Variants in LYPLAL1 observed in about 807,000 individuals in gnomAD.
LYPLAL1 encodes the protein lysophospholipase-like protein 1.
LYPLAL1 carries 23 observed loss-of-function variants against 19.7 expected under a neutral mutation model. The ratio of observed to expected loss-of-function variants is 1.17; its 90% CI spans 0.84 to 1.65. LYPLAL1 has a LOEUF of 1.65. LYPLAL1 is among the 40% of genes most tolerant of loss of function. LYPLAL1 has a pLI of 0.00. For synonymous variants in LYPLAL1, 119 were observed against 96.3 expected (o/e 1.24, Z -1.38); for missense variants, 355 against 279.4 (o/e 1.27, Z -1.93).
the LYPLAL1 span, among the ~76,000 whole-genome samples, chr1:219,388,726 A>G: frequency 3.3e-5 from 5 of 152,174 alleles, no homozygotes; most frequent in Admixed American, 2.0e-4. Flanking sequence ...AAAACAAAAA[A>G]AGCACAAAAT....
the LYPLAL1 span, among the ~76,000 whole-genome samples, chr1:219,419,594 C>CACAG: frequency 0.013 from 1,337 of 99,528 alleles, 20 homozygotes; most frequent in African/African-American, 0.035. Context: ...CACACACACA[C>CACAG]AGAGAGAGAG....
intron 3 of LYPLAL1, among the ~76,000 whole-genome samples, chr1:219,204,153 A>T (rs1411621333): frequency 1.3e-5 from 2 of 152,170 alleles, no homozygotes; most frequent in African/African-American, 4.8e-5. Flanking sequence ...TTGATTTTTT[A>T]AAATTTATTT....
At chr1:219,422,625 C>T in the LYPLAL1 span, among the ~76,000 whole-genome samples, 1 of 152,064 alleles carries the variant, frequency 6.6e-6, no homozygotes, top group African/African-American at 2.4e-5. Flanking sequence ...AAAAAGAGTA[C>T]ATCTTAAAAT....
At chr1:219,301,585 G>C in the LYPLAL1 span, among the ~76,000 whole-genome samples, 37 of 152,220 alleles carry the variant, frequency 2.4e-4, no homozygotes, top group African/African-American at 8.7e-4. Context: ...TCTTAATCTT[G>C]TAGTGTTTCT....
the LYPLAL1 span, among the ~76,000 whole-genome samples, chr1:219,360,745 T>C: frequency 6.6e-6 from 1 of 152,142 alleles, no homozygotes; most frequent in Non-Finnish European, 1.5e-5. Flanking sequence ...ACCAGACCCC[T>C]GGACCTCTTC....
the LYPLAL1 span, among the ~76,000 whole-genome samples, chr1:219,347,055 T>C: frequency 6.6e-6 from 1 of 152,210 alleles, no homozygotes; most frequent in Non-Finnish European, 1.5e-5. Context: ...CTTGTTAATC[T>C]TCCTCTTTTT....
the LYPLAL1 span, among the ~76,000 whole-genome samples, chr1:219,310,484 A>C: frequency 6.6e-6 from 1 of 152,192 alleles, no homozygotes; most frequent in Non-Finnish European, 1.5e-5. Context: ...GCAGGAACAA[A>C]CAGATCAAAA....
chr1:219,305,618 A>G, the LYPLAL1 span, among the ~76,000 whole-genome samples: 1 of 152,206 alleles, frequency 6.6e-6, no homozygotes, highest in African/African-American at 2.4e-5. Flanking sequence ...TGAACAGGAT[A>G]ATGGCACAAT....
the LYPLAL1 span, among the ~76,000 whole-genome samples, chr1:219,414,407 A>G: frequency 6.6e-6 from 1 of 152,190 alleles, no homozygotes; most frequent in Non-Finnish European, 1.5e-5. Flanking sequence ...CTCAGTAAAT[A>G]TTTGTTAAAT....
At chr1:219,191,118 C>T (rs1199349993) in intron 2 of LYPLAL1, among the ~76,000 whole-genome samples, 1 of 151,584 alleles carries the variant, frequency 6.6e-6, no homozygotes, top group Admixed American at 6.6e-5. Flanking sequence ...GCACCTACTG[C>T]TATTACTGCT....
intron 3 of LYPLAL1, among the ~76,000 whole-genome samples, chr1:219,201,207 T>TA (rs1176802198): frequency 6.6e-6 from 1 of 152,110 alleles, no homozygotes; most frequent in Non-Finnish European, 1.5e-5. Flanking sequence ...TAGTTTGACA[T>TA]AAAAAAACTT....
chr1:219,174,752 C>T (rs1401714640), intron 1 of LYPLAL1, among the ~76,000 whole-genome samples: 1 of 152,068 alleles, frequency 6.6e-6, no homozygotes, highest in Non-Finnish European at 1.5e-5. Flanking sequence ...ACCTTTGCAC[C>T]CCCAGTGCTT....
chr1:219,238,304 ATTTTTTTTTT>A, the LYPLAL1 span, among the ~76,000 whole-genome samples: 2 of 81,904 alleles, frequency 2.4e-5, no homozygotes, highest in Non-Finnish European at 2.2e-5. Context: ...CGCCCGGCTA[ATTTTTTTTTT>A]TTTTTTTTTT....
At chr1:219,281,098 T>C in the LYPLAL1 span, among the ~76,000 whole-genome samples, 2 of 152,154 alleles carry the variant, frequency 1.3e-5, no homozygotes, top group East Asian at 1.9e-4. Flanking sequence ...ACTTCATTAA[T>C]TAGTTTTAAA....
At chr1:219,204,179 TC>T (rs1658354781) in intron 3 of LYPLAL1, among the ~76,000 whole-genome samples, 1 of 152,200 alleles carries the variant, frequency 6.6e-6, no homozygotes. Context: ...TATTTATGTT[TC>T]ATATGATTCT....
the LYPLAL1 span, among the ~76,000 whole-genome samples, chr1:219,349,644 T>A: frequency 6.6e-6 from 1 of 152,204 alleles, no homozygotes; most frequent in South Asian, 2.1e-4. Context: ...TTTGTGTGTA[T>A]GTGCTTGTGT....
chr1:219,175,774 C>T (rs1352292747), intron 1 of LYPLAL1, among the ~76,000 whole-genome samples: 1 of 152,048 alleles, frequency 6.6e-6, no homozygotes, highest in Non-Finnish European at 1.5e-5. Flanking sequence ...CTTTATCATC[C>T]AGTAGGTCTT....
intron 3 of LYPLAL1, among the ~76,000 whole-genome samples, chr1:219,209,766 C>T (rs769106743): frequency 2.0e-5 from 3 of 152,068 alleles, no homozygotes; most frequent in African/African-American, 2.4e-5. Flanking sequence ...TCTCTGCTGC[C>T]GTCACCTCAT....
the LYPLAL1 span, among the ~76,000 whole-genome samples, chr1:219,322,650 G>A: frequency 6.6e-6 from 1 of 152,092 alleles, no homozygotes; most frequent in Non-Finnish European, 1.5e-5. Context: ...ACTTACACAG[G>A]TCATCTCTGA....
Sources: gnomAD v4.1 joint callset for allele counts (sites outside exome capture counted in the v4.1 genomes callset) on GRCh38, gnomAD v4.1.1 for gene constraint, MANE v1.5 for transcripts, NCBI Gene and HGNC (gene_info 2026-07-23, HGNC 2026-07-21) for gene names.